COA1: variants seen among roughly 807,000 people sequenced by gnomAD.
COA1 encodes the protein cytochrome c oxidase assembly factor 1, also known as cytochrome c oxidase assembly factor 1 homolog.
COA1 carries 13 observed loss-of-function variants against 16.0 expected under a neutral mutation model. That is an observed-to-expected ratio of 0.81 (90% CI 0.53 to 1.29). The LOEUF is 1.29. Among genes scored for constraint, COA1 ranks in the 50% most tolerant of loss-of-function variants. The pLI is 0.00. For missense variants in COA1, 179 were observed against 177.0 expected, an observed-to-expected ratio of 1.01 and a Z score of -0.06; for synonymous variants, 65 against 65.7, an observed-to-expected ratio of 0.99 and a Z score of 0.05.
chr7:43,649,119 C>T (rs1392400585), intron 1 of COA1: 6 of 154,642 alleles, frequency 3.9e-5, no homozygotes, highest in African/African-American at 1.4e-4. Flanking sequence ...CCTAATACTT[C>T]TGTCTCTGAC....
At chr7:43,673,127 C>T (rs2093351899) in intron 1 of COA1, among the ~76,000 whole-genome samples, 1 of 152,144 alleles carries the variant, frequency 6.6e-6, no homozygotes, top group Admixed American at 6.5e-5. Flanking sequence ...ATGAAGATGC[C>T]AAAGGCAATT....
At chr7:43,709,935 T>C (rs2095158296) in intron 1 of COA1, among the ~76,000 whole-genome samples, 1 of 152,236 alleles carries the variant, frequency 6.6e-6, no homozygotes. Context: ...CTGTGCAAAG[T>C]GCACACTTTT....
intron 6 of COA1, among the ~76,000 whole-genome samples, chr7:43,613,412 T>G (rs1214028990): frequency 1.3e-5 from 2 of 152,182 alleles, no homozygotes; most frequent in Non-Finnish European, 2.9e-5. Context: ...CTGTACCATT[T>G]CCTATCAGGA....
At chr7:43,723,939 C>T (rs1423360525) in intron 1 of COA1, among the ~76,000 whole-genome samples, 1 of 151,696 alleles carries the variant, frequency 6.6e-6, no homozygotes, top group Non-Finnish European at 1.5e-5. Context: ...AAAACAAAAA[C>T]CAAAAAATCT....
chr7:43,685,785 T>C (rs895146397), intron 1 of COA1, among the ~76,000 whole-genome samples: 3 of 152,214 alleles, frequency 2.0e-5, no homozygotes. Flanking sequence ...AGACTGATGT[T>C]TTTTAAGTGG....
At chr7:43,684,645 G>A (rs1353833859) in intron 1 of COA1, among the ~76,000 whole-genome samples, 1 of 152,152 alleles carries the variant, frequency 6.6e-6, no homozygotes, top group Non-Finnish European at 1.5e-5. Context: ...AGAGCAAGGG[G>A]TTGAAAGTGG....
At position 43,704,374 on chromosome 7, in the gene COA1, T is replaced by TG. The variant is rs911190707; in HGVS notation, c.-39+25054dup. On this transcript the variant is annotated intron_variant, in intron 1 of 5. Coordinates refer to ENST00000223336, the MANE Select transcript of COA1 (RefSeq NM_018224.4). Reference sequence around the variant, plus strand: ...TTTGCATGTCCCTCTATAGCAAGGTTGGGGAAATTTTCACGGAAGATATCC... The same window carrying TG: ...TTTGCATGTCCCTCTATAGCAAGGTTGGGGGAAATTTTCACGGAAGATATCC... Among the ~76,000 whole-genome samples the TG allele has an allele frequency of 4.7e-4, 71 of 152,308 alleles. 1 individual carries two copies. The highest frequency in any genetic ancestry group is 1.6e-3 in the African/African-American group (68 of 41,562).
chr7:43,724,305 C>T (rs1044971287), intron 1 of COA1, among the ~76,000 whole-genome samples: 16 of 152,130 alleles, frequency 1.1e-4, no homozygotes, highest in Admixed American at 3.9e-4. Flanking sequence ...GTTATCCCAG[C>T]ACTTTGGGAC....
intron 6 of COA1, among the ~76,000 whole-genome samples, chr7:43,610,238 T>G (rs576761240): frequency 6.6e-6 from 1 of 150,632 alleles, no homozygotes; most frequent in Non-Finnish European, 1.5e-5. Context: ...TCCCAGCTAC[T>G]TGGGAGGCTG....
chr7:43,612,917 G>A (rs757899114), intron 6 of COA1, among the ~76,000 whole-genome samples: 9 of 152,190 alleles, frequency 5.9e-5, no homozygotes, highest in Non-Finnish European at 7.4e-5. Context: ...AAACCCATTC[G>A]TTTAATATAT....
At chr7:43,693,885 GTGGACCTT>G (rs2094449391) in intron 1 of COA1, among the ~76,000 whole-genome samples, 1 of 151,926 alleles carries the variant, frequency 6.6e-6, no homozygotes, top group Non-Finnish European at 1.5e-5. Context: ...CTGACTCCAA[GTGGACCTT>G]GGTACAGCCT....
intron 1 of COA1, among the ~76,000 whole-genome samples, chr7:43,692,778 C>T (rs117825694): frequency 1.3e-5 from 2 of 152,044 alleles, no homozygotes; most frequent in African/African-American, 4.8e-5. Context: ...ATCCAAAGAT[C>T]CAAAGGACCA....
At chr7:43,705,348 G>A (rs537002357) in intron 1 of COA1, among the ~76,000 whole-genome samples, 126 of 152,372 alleles carry the variant, frequency 8.3e-4, no homozygotes, top group African/African-American at 2.8e-3. Context: ...AGGTGGGCAC[G>A]TGCCAGCAGG....
At chr7:43,671,059 A>C (rs752966667) in intron 1 of COA1, among the ~76,000 whole-genome samples, 2 of 152,228 alleles carry the variant, frequency 1.3e-5, no homozygotes, top group Non-Finnish European at 2.9e-5. Context: ...TATGATGCTG[A>C]GACAACTGGA....
At chr7:43,661,198 T>TAAC (rs1424503086) in intron 1 of COA1, among the ~76,000 whole-genome samples, 3 of 152,264 alleles carry the variant, frequency 2.0e-5, no homozygotes, top group Admixed American at 6.5e-5. Context: ...AATAGACATT[T>TAAC]AACTACTTTA....
intron 1 of COA1, among the ~76,000 whole-genome samples, chr7:43,665,197 G>C (rs911084827): frequency 6.6e-6 from 1 of 151,902 alleles, no homozygotes; most frequent in African/African-American, 2.4e-5. Flanking sequence ...CAATAAAATG[G>C]GGAAAAAAAC....
At chr7:43,691,248 C>CAAAA (rs1225650141) in intron 1 of COA1, among the ~76,000 whole-genome samples, 1 of 59,756 alleles carries the variant, frequency 1.7e-5, no homozygotes, top group Non-Finnish European at 3.1e-5. Flanking sequence ...GACCTTGACT[C>CAAAA]AAAAAAAGAA....
At chr7:43,634,972 A>G (rs1041295341), downstream of COA1, among the ~76,000 whole-genome samples, 3 of 152,142 alleles carry the variant, frequency 2.0e-5, no homozygotes, top group Non-Finnish European at 4.4e-5. Flanking sequence ...CATCTTTCAC[A>G]GTAGTCTGAT....
At chr7:43,611,769 C>T (rs1349710797) in intron 6 of COA1, among the ~76,000 whole-genome samples, 1 of 152,130 alleles carries the variant, frequency 6.6e-6, no homozygotes, top group Admixed American at 6.5e-5. Context: ...TTTGCAAAAT[C>T]GTGTATCTGT....
Sources: gnomAD v4.1 joint callset for allele counts (sites outside exome capture counted in the v4.1 genomes callset) on GRCh38, gnomAD v4.1.1 for gene constraint, MANE v1.5 for transcripts, NCBI Gene and HGNC (gene_info 2026-07-23, HGNC 2026-07-21) for gene names.